The following KMT2C variants were observed in gnomAD, a reference collection of about 807,000 sequenced individuals.
The protein encoded by KMT2C is lysine methyltransferase 2C.
Under a neutral mutation model 507.9 loss-of-function variants are expected in KMT2C, and 88 were observed. The observed-to-expected ratio is 0.17, with a 90% CI of 0.15 to 0.21. KMT2C has a LOEUF of 0.21. Among genes scored for constraint, KMT2C ranks in the 10% least tolerant of loss-of-function variants. The pLI, the probability that KMT2C is intolerant of heterozygous loss-of-function variation, is 1.00. For synonymous variants in KMT2C, 2,049 were observed against 2,080.8 expected, an observed-to-expected ratio of 0.98 and a Z score of 0.42; for missense variants, 4,954 against 5,957.8, an observed-to-expected ratio of 0.83 and a Z score of 5.55.
At chr7:152,163,903 G>T in intron 42 of KMT2C, 77 bp from the exon 43 acceptor site, 1 of 1,428,208 alleles carries the variant, frequency 7.0e-7, no homozygotes, top group Non-Finnish European at 9.8e-7. Context: ...GATGACTGTG[G>T]TTGAGGTTAC....
chr7:152,171,312 T>C lies in KMT2C; in HGVS notation c.9405A>G (p.Gly3135=), dbSNP rs200179796. 169 of 1,608,676 alleles carry C rather than the reference T, an allele frequency of 1.1e-4. No homozygotes were observed. The highest frequency in any genetic ancestry group is 1.4e-4 in the Non-Finnish European group (162 of 1,177,548). The change falls in exon 40 of 59, where the codon GGA becomes GGG. Residue 3135 remains glycine (G), a synonymous_variant. Transcript: ENST00000262189. The part of the protein sequence containing the change: ...RFPFMGQVVT[G]TQNSEGQNLG... ...GGTTCTGTCCTTCACTGTTCTGTGT[T>C]CCAGTTACCACCTGGCCCATAAAAG...
At chr7:152,308,811 G>A (rs79928872) in intron 6 of KMT2C, among the ~76,000 whole-genome samples, 1,900 of 151,954 alleles carry the variant, frequency 0.013, 39 homozygotes, top group African/African-American at 0.044. Flanking sequence ...GGGCAACATG[G>A]TGAGACCCCA....
intron 1 of KMT2C, among the ~76,000 whole-genome samples, chr7:152,409,013 A>T (rs562311726): frequency 2.0e-5 from 3 of 151,248 alleles, no homozygotes; most frequent in East Asian, 3.9e-4. Context: ...TTTGAGACAG[A>T]GTTTCCCTCT....
intron 3 of KMT2C, among the ~76,000 whole-genome samples, chr7:152,330,153 A>AGGGGGG (rs1159945663): frequency 2.9e-4 from 2 of 6,852 alleles, no homozygotes; most frequent in Non-Finnish European, 7.1e-4. Context: ...AAAAAAAGGG[A>AGGGGGG]GGGGGGGAGG....
At chr7:152,432,694 T>C (rs1271867174) in intron 1 of KMT2C, among the ~76,000 whole-genome samples, 1 of 152,244 alleles carries the variant, frequency 6.6e-6, no homozygotes, top group Non-Finnish European at 1.5e-5. Flanking sequence ...ATGCTTTTTA[T>C]TCATGACAAA....
At chr7:152,417,506 A>G (rs1271542067) in intron 1 of KMT2C, among the ~76,000 whole-genome samples, 2 of 152,264 alleles carry the variant, frequency 1.3e-5, no homozygotes, top group South Asian at 2.1e-4. Flanking sequence ...TTTTATAGGT[A>G]ACAAACAGAT....
rs372162788 is a variant in KMT2C at position 152,195,891 on chromosome 7, C to T, written c.4378+16G>A. ...CATCAGAAACCAGAAAAAGGGTAAA[C>T]AGTATTCATATATACCTGAATGATC... On this transcript the variant is annotated intron_variant, in intron 28 of 58. Transcript: ENST00000262189. 2.9e-6 allele frequency: 4 copies of T among 1,376,202 alleles called. No homozygotes were observed. In the African/African-American group the frequency reaches 4.3e-5, roughly 15 times the overall value. 85.2% of individuals were successfully genotyped at this position (1,376,202 alleles called of 1,614,324 possible). A position where few individuals can be genotyped will look rare whatever the true frequency, so the allele number is the denominator to read the frequency against.
chr7:152,166,122 CA>C (rs1248181317), intron 42 of KMT2C, among the ~76,000 whole-genome samples: 2 of 147,154 alleles, frequency 1.4e-5, no homozygotes, highest in Non-Finnish European at 3.0e-5. Flanking sequence ...AGAGCACTCA[CA>C]TTTTTTTTTT....
At chr7:152,206,247 T>TC (rs904158077) in intron 24 of KMT2C, among the ~76,000 whole-genome samples, 7 of 151,692 alleles carry the variant, frequency 4.6e-5, no homozygotes, top group Non-Finnish European at 7.4e-5. Flanking sequence ...ACCTAATGGG[T>TC]CCCTCAATTA....
rs550646716 is a variant in KMT2C, at chr7:152,136,679, T to G, written c.*153A>C. 1.3e-5 allele frequency: 8 copies of G among 631,828 alleles called. No individual in the cohort carries two copies. In the Admixed American group the frequency reaches 1.8e-4, roughly 14 times the overall value. The allele number at this position is 631,828 out of a possible 1,614,324, so 39.1% of individuals were successfully genotyped here. ...GCTTCCTCCTGGCGCTGCTTTAACC[T>G]AAAGGACTGAGGAAATCAGAACTCC... On this transcript the variant is annotated 3_prime_UTR_variant, in exon 59 of 59. Coordinates refer to ENST00000262189, the MANE Select transcript of KMT2C (RefSeq NM_170606.3).
intron 14 of KMT2C, among the ~76,000 whole-genome samples, chr7:152,245,222 T>C (rs2095451023): frequency 6.6e-6 from 1 of 152,200 alleles, no homozygotes; most frequent in Non-Finnish European, 1.5e-5. Flanking sequence ...ACAGCCACAG[T>C]CTTAGTTTGT....
intron 37 of KMT2C, among the ~76,000 whole-genome samples, 176 bp downstream of exon 37, chr7:152,179,657 GT>G (rs1322957165): frequency 5.6e-5 from 3 of 53,524 alleles, no homozygotes; most frequent in Admixed American, 1.5e-4. Flanking sequence ...TGTTGAAGAG[GT>G]TGGGGGGGGG....
In KMT2C at chr7:152,252,644, G is replaced by T. The variant is rs781721078; in HGVS notation, c.1371C>A (p.Asp457Glu). ...SQWHHNCLIC[D>E]NCYQQQDNLC... is the part of the protein sequence containing the mutation. Reference sequence around the variant, plus strand: ...AGTTATCCTGCTGTTGGTAACAATTGTCACATATCAGGCAATTGTGGTGCC... The same window carrying T: ...AGTTATCCTGCTGTTGGTAACAATTTTCACATATCAGGCAATTGTGGTGCC... Residue 457 changes from aspartate to glutamate, a missense_variant, in exon 10 of 59, where the codon GAC becomes GAA. Asp to Glu is a conservative substitution (Grantham distance 45, BLOSUM62 2). Coordinates refer to ENST00000262189, the MANE Select transcript of KMT2C (RefSeq NM_170606.3). 17 of 1,613,146 alleles carry T rather than the reference G, an allele frequency of 1.1e-5. No individual in the cohort carries two copies. Among genetic ancestry groups the T allele is most frequent in the Admixed American group, 3.3e-5 (2 of 59,972 alleles).
chr7:152,159,498 G>A (rs1353549687), intron 43 of KMT2C, among the ~76,000 whole-genome samples: 1 of 152,146 alleles, frequency 6.6e-6, no homozygotes, highest in African/African-American at 2.4e-5. Flanking sequence ...TGAAATATGA[G>A]GTGTGCTGAA....
intron 6 of KMT2C, among the ~76,000 whole-genome samples, chr7:152,299,873 A>G (rs2096551320): frequency 6.6e-6 from 1 of 152,114 alleles, no homozygotes; most frequent in African/African-American, 2.4e-5. Context: ...AGATGCAAAC[A>G]GGTTAAAATA....
chr7:152,345,126 C>G (rs1478137185), intron 2 of KMT2C, among the ~76,000 whole-genome samples: 1 of 152,042 alleles, frequency 6.6e-6, no homozygotes, highest in Non-Finnish European at 1.5e-5. Context: ...ATTATATCAA[C>G]AATCACTCTA....
intron 55 of KMT2C, among the ~76,000 whole-genome samples, chr7:152,141,182 G>A (rs1404288715): frequency 6.6e-6 from 1 of 152,162 alleles, no homozygotes; most frequent in East Asian, 1.9e-4. Flanking sequence ...AGAGGTTGCA[G>A]TGAGCTGAGA....
At chr7:152,421,931 T>C (rs1029098478) in intron 1 of KMT2C, among the ~76,000 whole-genome samples, 1 of 151,666 alleles carries the variant, frequency 6.6e-6, no homozygotes, top group South Asian at 2.1e-4. Flanking sequence ...CTCAGGTTTA[T>C]TAGAAAACTT....
chr7:152,417,155 G>A (rs377291397), intron 1 of KMT2C, among the ~76,000 whole-genome samples: 5 of 151,210 alleles, frequency 3.3e-5, no homozygotes, highest in South Asian at 2.1e-4. Context: ...TAAAAAGTTC[G>A]TATTTACTAA....
Sources: allele counts gnomAD v4.1 joint callset (sites outside exome capture counted in the v4.1 genomes callset), GRCh38; gene constraint gnomAD v4.1.1; transcripts MANE v1.5; gene names NCBI Gene and HGNC (gene_info 2026-07-23, HGNC 2026-07-21).